Variants in BUB1B observed in about 807,000 individuals in gnomAD.
The protein encoded by BUB1B is mitotic checkpoint serine/threonine-protein kinase BUB1 beta.
A neutral mutation model predicts 137.7 loss-of-function variants in BUB1B; 86 were observed. The observed-to-expected ratio is 0.62, with a 90% CI of 0.52 to 0.75. The LOEUF is 0.75. Among genes scored for constraint, BUB1B ranks in the 30% least tolerant of loss-of-function variants. The pLI, the probability that BUB1B is intolerant of heterozygous loss-of-function variation, is 0.00. For synonymous variants in BUB1B, 420 were observed against 417.9 expected, an observed-to-expected ratio of 1.00 and a Z score of -0.06; for missense variants, 1,130 against 1,236.9, an observed-to-expected ratio of 0.91 and a Z score of 1.30.
intron 5 of BUB1B, among the ~76,000 whole-genome samples, chr15:40,179,966 C>CTA (rs2037264616): frequency 1.2e-5 from 1 of 80,414 alleles, no homozygotes; most frequent in Non-Finnish European, 2.6e-5. Context: ...CTTTCAAAAG[C>CTA]CATATATATA....
At position 40,209,735 on chromosome 15, in the gene BUB1B, A is replaced by T. The variant is rs2037686220; in HGVS notation, c.2244A>T (p.Arg748Ser). Reference sequence around the variant, plus strand: ...CTGCAGAGTTGTGTATAGAAGACAGACCAATGCCTAAGTTGGAAATTGAGA... The same window carrying T: ...CTGCAGAGTTGTGTATAGAAGACAGTCCAATGCCTAAGTTGGAAATTGAGA... ...SASAELCIED[R>S]PMPKLEIEKE... Residue 748 changes from arginine (R) to serine (S), a missense_variant, in exon 17 of 23, where the codon AGA becomes AGT. Transcript: ENST00000287598. The T allele has an allele frequency of 6.8e-6, 11 of 1,614,076 alleles. No homozygotes were observed. The highest frequency in any genetic ancestry group is 8.5e-6 in the Non-Finnish European group (10 of 1,180,044).
intron 4 of BUB1B, among the ~76,000 whole-genome samples, chr15:40,173,263 G>A (rs899935051): frequency 1.5e-5 from 2 of 135,156 alleles, no homozygotes; most frequent in African/African-American, 2.8e-5. Context: ...CAGCCTGGGC[G>A]ACAGAGCGAG....
chr15:40,205,453 T>G (rs956162174), intron 14 of BUB1B, among the ~76,000 whole-genome samples: 2 of 152,212 alleles, frequency 1.3e-5, no homozygotes, highest in African/African-American at 4.8e-5. Flanking sequence ...GACAGCTAAG[T>G]AATATAGATA....
intron 5 of BUB1B, among the ~76,000 whole-genome samples, chr15:40,180,438 G>T (rs916502433): frequency 1.3e-5 from 2 of 150,876 alleles, no homozygotes; most frequent in Non-Finnish European, 3.0e-5. Context: ...GCTAATTTTT[G>T]TAGTTTTAGA....
At position 40,206,420 on chromosome 15, in the gene BUB1B, C is replaced by T. The variant is rs1403346458; in HGVS notation, c.1971C>T (p.Gly657=). The change falls in exon 15 of 23, where the codon GGC becomes GGT. Residue 657 remains glycine (G), a synonymous_variant. Transcript: ENST00000287598. The part of the protein sequence containing the change: ...KTSEDQQTAC[G]TIYSQTLSIK... ...CTGAGGACCAGCAGACAGCTTGTGG[C>T]ACTATCTACAGTCAGACTCTCAGCA... 1 of 1,614,172 alleles carries T rather than the reference C, an allele frequency of 6.2e-7. No individual in the cohort carries two copies. The highest frequency in any genetic ancestry group is 2.2e-5 in the East Asian group (1 of 44,876).
At chr15:40,217,897 A>T (rs2037821270) in intron 21 of BUB1B, among the ~76,000 whole-genome samples, 1 of 152,052 alleles carries the variant, frequency 6.6e-6, no homozygotes, top group Non-Finnish European at 1.5e-5. Flanking sequence ...TGCCAGGGCC[A>T]CTCCTACTGC....
intron 14 of BUB1B, among the ~76,000 whole-genome samples, chr15:40,204,801 T>C (rs141905109): frequency 0.018 from 2,673 of 151,582 alleles, 39 homozygotes; most frequent in Non-Finnish European, 0.024. Context: ...CATGCCTGGC[T>C]AATTTTTTAT....
In BUB1B at chr15:40,206,431, G is replaced by C. The variant is rs746933398; in HGVS notation, c.1982G>C (p.Ser661Thr). Residue 661 changes from serine to threonine, a missense_variant, in exon 15 of 23, where the codon AGT (serine) becomes ACT (threonine). By Grantham distance (58) the Ser-to-Thr change is moderately conservative. Transcript: ENST00000287598. ...CAGACAGCTTGTGGCACTATCTACA[G>C]TCAGACTCTCAGCATCAAGAAGCTG... ...DQQTACGTIYSQTLSIKKLSP... is the reference protein window; with the variant it reads ...DQQTACGTIYTQTLSIKKLSP... The C allele has an allele frequency of 6.1e-5, 98 of 1,614,166 alleles. 1 individual carries two copies. In the South Asian group the frequency reaches 7.6e-4, roughly 12 times the overall value.
Position 40,206,368 on chromosome 15 carries a change from C to A in BUB1B, c.1919C>A (p.Pro640Gln). 6.2e-7 allele frequency: 1 copy of A among 1,614,090 alleles called. No individual in the cohort carries two copies. The highest frequency in any genetic ancestry group is 8.5e-7 in the Non-Finnish European group (1 of 1,180,026). Residue 640 changes from proline (P) to glutamine (Q), a missense_variant, in exon 15 of 23, where the codon CCG becomes CAG. Coordinates refer to ENST00000287598, the MANE Select transcript of BUB1B (RefSeq NM_001211.6). ...CCTTCTGATCCTGAGAGACTGTTACCGGAAGAAGATCTAGATGTAAAGACC... is the reference window on the plus strand; with the variant it reads ...CCTTCTGATCCTGAGAGACTGTTACAGGAAGAAGATCTAGATGTAAAGACC... ...DLPSDPERLL[P>Q]EEDLDVKTSE...
In BUB1B at chr15:40,200,225, G is replaced by A. The variant is rs1256777990; in HGVS notation, c.1402-19G>A. 3.2e-6 allele frequency: 5 copies of A among 1,565,584 alleles called. No individual in the cohort carries two copies. The highest frequency in any genetic ancestry group is 4.4e-6 in the Non-Finnish European group (5 of 1,137,578). On this transcript the variant is annotated intron_variant, in intron 10 of 22. Coordinates refer to ENST00000287598, the MANE Select transcript of BUB1B (RefSeq NM_001211.6). ...TCTGGATGGGAGGGACATTGATTTT[G>A]TTTATTTAATGCAAACAGCAAGAAG... is the stretch of plus-strand genomic sequence containing the variant.
chr15:40,218,890 G>A (rs1048468911), intron 22 of BUB1B, among the ~76,000 whole-genome samples: 4 of 152,156 alleles, frequency 2.6e-5, no homozygotes, highest in South Asian at 2.1e-4. Flanking sequence ...ACTAATTGGT[G>A]TTAGCCTTAA....
chr15:40,182,369 ACT>A (rs1160567931), intron 5 of BUB1B, among the ~76,000 whole-genome samples: 5 of 151,958 alleles, frequency 3.3e-5, no homozygotes, highest in African/African-American at 4.8e-5. Flanking sequence ...ATGTTATAAG[ACT>A]CTGATCCTGT....
In BUB1B at chr15:40,202,399, C is replaced by G; in HGVS notation, c.1568-6C>G. 1 of 1,604,966 alleles carries G rather than the reference C, an allele frequency of 6.2e-7. No individual in the cohort carries two copies. ...TAGAGTATGTATCTAGTCTCTCTTT[C>G]TCTAGGTCCCAGTGTACCTTTCTCC... On this transcript the variant is annotated splice_region_variant and splice_polypyrimidine_tract_variant and intron_variant, in intron 12 of 22. Coordinates refer to ENST00000287598, the MANE Select transcript of BUB1B (RefSeq NM_001211.6).
chr15:40,186,363 A>G (rs1431464884), intron 8 of BUB1B, among the ~76,000 whole-genome samples: 2 of 148,224 alleles, frequency 1.3e-5, no homozygotes, highest in Admixed American at 1.3e-4. Context: ...AAGAAAAAGT[A>G]TAGTAGCTGG....
chr15:40,173,467 A>G (rs2037189320), intron 4 of BUB1B, among the ~76,000 whole-genome samples: 1 of 152,154 alleles, frequency 6.6e-6, no homozygotes, highest in African/African-American at 2.4e-5. Flanking sequence ...GAATAATATC[A>G]TGAAGTAAAA....
At chr15:40,208,592 T>C (rs758022596) in intron 15 of BUB1B, 45 bp from the exon 16 acceptor site, 5 of 1,521,960 alleles carry the variant, frequency 3.3e-6, no homozygotes, top group Admixed American at 3.4e-5. Flanking sequence ...ACAAAGTTGA[T>C]ATATATTATT....
intron 21 of BUB1B, 148 bp downstream of exon 21, chr15:40,217,815 A>G (rs1247978640): frequency 1.0e-6 from 1 of 993,362 alleles, no homozygotes; most frequent in East Asian, 2.4e-5. Context: ...AGTAAAATGT[A>G]ACATTTTTGT....
chr15:40,187,227 G>A (rs538964828), intron 8 of BUB1B, among the ~76,000 whole-genome samples: 5 of 151,736 alleles, frequency 3.3e-5, no homozygotes, highest in Non-Finnish European at 5.9e-5. Flanking sequence ...CCAGGTTCAC[G>A]CCATTCTCCT....
chr15:40,162,056 C>G (rs1033461752), intron 1 of BUB1B, among the ~76,000 whole-genome samples: 6 of 151,704 alleles, frequency 4.0e-5, no homozygotes, highest in African/African-American at 1.5e-4. Flanking sequence ...GTGGTCAGTA[C>G]TAAAAAAAAT....
Sources: gnomAD v4.1 joint callset for allele counts (sites outside exome capture counted in the v4.1 genomes callset) on GRCh38, gnomAD v4.1.1 for gene constraint, MANE v1.5 for transcripts, NCBI Gene and HGNC (gene_info 2026-07-23, HGNC 2026-07-21) for gene names.